Variants in SAMMSON observed in about 807,000 individuals in gnomAD.
SAMMSON encodes the protein survival associated mitochondrial melanoma specific oncogenic non-coding RNA, also known as long intergenic non-protein coding RNA 1212.
At chr3:70,159,055 G>C (rs4422269) in intron 4 of SAMMSON, among the ~76,000 whole-genome samples, 57,130 of 151,630 alleles carry the variant, frequency 0.38, 11,285 homozygotes, top group East Asian at 0.72. Context: ...TTTTACATTA[G>C]GACAAAAATT....
chr3:70,262,125 G>A (rs1235798614), intron 6 of SAMMSON, among the ~76,000 whole-genome samples: 2 of 152,132 alleles, frequency 1.3e-5, no homozygotes, highest in Non-Finnish European at 2.9e-5. Context: ...CCTTCTATGT[G>A]TGTTGAGCAG....
intron 4 of SAMMSON, among the ~76,000 whole-genome samples, chr3:70,196,481 A>G (rs895644974): frequency 3.9e-5 from 6 of 152,316 alleles, no homozygotes; most frequent in African/African-American, 1.4e-4. Context: ...ATAATAACCA[A>G]CAATGCATAA....
At chr3:70,337,020 T>C (rs1325700195) in intron 7 of SAMMSON, among the ~76,000 whole-genome samples, 1 of 141,418 alleles carries the variant, frequency 7.1e-6, no homozygotes, top group East Asian at 2.0e-4. Context: ...TTAATATTAT[T>C]ATTATTAATA....
At chr3:70,284,437 T>G (rs1450996903) in intron 6 of SAMMSON, among the ~76,000 whole-genome samples, 1 of 152,100 alleles carries the variant, frequency 6.6e-6, no homozygotes, top group African/African-American at 2.4e-5. Context: ...ACCTCTCACT[T>G]TGAAGAATGA....
chr3:70,040,562 C>T (rs1191373210), intron 3 of SAMMSON, among the ~76,000 whole-genome samples: 1 of 152,104 alleles, frequency 6.6e-6, no homozygotes, highest in African/African-American at 2.4e-5. Context: ...ACTCTGGAGG[C>T]GTGGGATCCT....
At chr3:70,080,425 G>A (rs1424442981) in intron 4 of SAMMSON, among the ~76,000 whole-genome samples, 1 of 152,132 alleles carries the variant, frequency 6.6e-6, no homozygotes, top group Non-Finnish European at 1.5e-5. Flanking sequence ...AATGAGTTAA[G>A]GTATGGGAAA....
At chr3:70,276,042 A>T (rs966022982) in intron 6 of SAMMSON, among the ~76,000 whole-genome samples, 17 of 152,062 alleles carry the variant, frequency 1.1e-4, no homozygotes, top group African/African-American at 3.9e-4. Flanking sequence ...TTCAAACTTT[A>T]AAAAAAAGTA....
At chr3:70,018,682 A>G (rs1231843915) in intron 3 of SAMMSON, among the ~76,000 whole-genome samples, 1 of 151,952 alleles carries the variant, frequency 6.6e-6, no homozygotes, top group Non-Finnish European at 1.5e-5. Context: ...TTAGGGTGTC[A>G]ATTTTAGATC....
chr3:70,090,793 A>AG (rs1051993972), intron 4 of SAMMSON, among the ~76,000 whole-genome samples: 7 of 150,952 alleles, frequency 4.6e-5, no homozygotes, highest in African/African-American at 1.7e-4. Context: ...AAAAAAAAAA[A>AG]CCATTGGCTG....
chr3:70,067,353 T>C (rs980914717), intron 3 of SAMMSON, among the ~76,000 whole-genome samples: 3 of 152,134 alleles, frequency 2.0e-5, no homozygotes, highest in African/African-American at 7.2e-5. Flanking sequence ...AATTTTAAAA[T>C]TTTAAGTGAA....
chr3:70,100,238 C>T (rs1576121702), intron 4 of SAMMSON, among the ~76,000 whole-genome samples: 1 of 152,140 alleles, frequency 6.6e-6, no homozygotes, highest in East Asian at 1.9e-4. Context: ...CCTCAACCTC[C>T]CAGGCTCAAG....
At chr3:70,163,402 C>T (rs942830300) in intron 4 of SAMMSON, among the ~76,000 whole-genome samples, 3 of 150,300 alleles carry the variant, frequency 2.0e-5, no homozygotes, top group Admixed American at 1.3e-4. Context: ...CTGGGTATTA[C>T]AATATGCATC....
intron 3 of SAMMSON, among the ~76,000 whole-genome samples, chr3:70,031,586 A>G (rs1486096367): frequency 1.3e-5 from 2 of 152,322 alleles, no homozygotes; most frequent in Non-Finnish European, 2.9e-5. Flanking sequence ...TGGGCAAAGA[A>G]AAGACTAGGT....
At chr3:70,383,880 C>A (rs1403770341) in intron 9 of SAMMSON, among the ~76,000 whole-genome samples, 1 of 152,034 alleles carries the variant, frequency 6.6e-6, no homozygotes, top group Admixed American at 6.6e-5. Context: ...GTGAGGCATG[C>A]TTTCTGCTGT....
intron 3 of SAMMSON, among the ~76,000 whole-genome samples, chr3:70,028,017 A>G (rs2067048137): frequency 6.6e-6 from 1 of 152,188 alleles, no homozygotes; most frequent in Non-Finnish European, 1.5e-5. Context: ...TTGCATTTTC[A>G]GTTAAAAGCC....
At chr3:70,190,720 G>A (rs954057774) in intron 4 of SAMMSON, among the ~76,000 whole-genome samples, 1 of 152,142 alleles carries the variant, frequency 6.6e-6, no homozygotes, top group Non-Finnish European at 1.5e-5. Context: ...GGAGTGAAAG[G>A]CATCAAGAAA....
chr3:70,113,285 TC>T (rs1320831777), intron 4 of SAMMSON, among the ~76,000 whole-genome samples: 2 of 152,176 alleles, frequency 1.3e-5, no homozygotes, highest in African/African-American at 4.8e-5. Context: ...TCTCTTACTT[TC>T]CCCAAATCAA....
intron 9 of SAMMSON, among the ~76,000 whole-genome samples, chr3:70,369,076 A>T (rs1702943980): frequency 6.6e-6 from 1 of 151,642 alleles, no homozygotes; most frequent in Admixed American, 6.6e-5. Flanking sequence ...TGTTAGATTT[A>T]TACCTCAGTA....
chr3:70,407,150 T>TC (rs1472078600), intron 2 of SAMMSON, among the ~76,000 whole-genome samples: 1 of 151,998 alleles, frequency 6.6e-6, no homozygotes, highest in African/African-American at 2.4e-5. Flanking sequence ...ACTCAAATTA[T>TC]CCCCCACCAG....
Sources: gnomAD v4.1 joint callset for allele counts (sites outside exome capture counted in the v4.1 genomes callset) on GRCh38, gnomAD v4.1.1 for gene constraint, MANE v1.5 for transcripts, NCBI Gene and HGNC (gene_info 2026-07-23, HGNC 2026-07-21) for gene names.